Variants in STXBP3 observed in about 807,000 individuals in gnomAD.
STXBP3 encodes syntaxin-binding protein 3.
Under a neutral mutation model 85.7 loss-of-function variants are expected in STXBP3, and 41 were observed. That is an observed-to-expected ratio of 0.48 (90% CI 0.37 to 0.62). The LOEUF (loss-of-function observed/expected upper bound fraction) is 0.62. Ranked by LOEUF, STXBP3 falls within the 20% of genes least tolerant of loss-of-function variation. STXBP3 has a pLI of 0.00. For synonymous variants in STXBP3, 229 were observed against 231.7 expected, an observed-to-expected ratio of 0.99 and a Z score of 0.10; for missense variants, 563 against 703.1, an observed-to-expected ratio of 0.80 and a Z score of 2.25.
chr1:108,803,465 G>A (rs958689118), intron 17 of STXBP3, among the ~76,000 whole-genome samples: 2 of 152,036 alleles, frequency 1.3e-5, no homozygotes, highest in Non-Finnish European at 2.9e-5. Context: ...CCTTTGATGC[G>A]GGTCTGTTGG....
At chr1:108,807,167 G>T (rs1213631599) in intron 17 of STXBP3, among the ~76,000 whole-genome samples, 1 of 150,344 alleles carries the variant, frequency 6.7e-6, no homozygotes, top group Non-Finnish European at 1.5e-5. Flanking sequence ...CAGGAGAATT[G>T]CTTGAACTGT....
intron 7 of STXBP3, among the ~76,000 whole-genome samples, chr1:108,773,918 A>C (rs1457295872): frequency 1.3e-5 from 2 of 152,148 alleles, no homozygotes; most frequent in Non-Finnish European, 2.9e-5. Context: ...ATGTTAATTC[A>C]TTCCAAAATG....
rs376433807 is a variant in STXBP3, at chr1:108,796,615, T to C, written c.1250-5T>C. ...ATTGTGCACTCATATTTTTACCTAT[T>C]TAAGGAACTACGGAAGAAAATTTGG... On this transcript the variant is annotated splice_polypyrimidine_tract_variant and splice_region_variant and intron_variant, in intron 14 of 18. Transcript: ENST00000370008. 8.9e-5 allele frequency: 144 copies of C among 1,611,818 alleles called. No homozygotes were observed. Among genetic ancestry groups the C allele is most frequent in the Non-Finnish European group, 1.2e-4 (138 of 1,178,902 alleles).
chr1:108,785,692 A>G (rs996320435), intron 11 of STXBP3, among the ~76,000 whole-genome samples: 1 of 152,102 alleles, frequency 6.6e-6, no homozygotes, highest in African/African-American at 2.4e-5. Flanking sequence ...TCAAACTTTT[A>G]TGCTCTGTCA....
At chr1:108,766,403 A>G (rs766187997) in intron 6 of STXBP3, among the ~76,000 whole-genome samples, 6 of 152,170 alleles carry the variant, frequency 3.9e-5, no homozygotes, top group Non-Finnish European at 8.8e-5. Flanking sequence ...TCCAGTTGCT[A>G]TGATAAGTCT....
intron 8 of STXBP3, among the ~76,000 whole-genome samples, chr1:108,779,081 C>T (rs750264171): frequency 1.3e-5 from 2 of 152,146 alleles, no homozygotes; most frequent in African/African-American, 2.4e-5. Context: ...CATTTTTCCT[C>T]TCTTGGGCTA....
At position 108,771,713 on chromosome 1, in the gene STXBP3, A is replaced by T. The variant is rs1268737956; in HGVS notation, c.439-952A>T. Among the ~76,000 whole-genome samples, 2 of 28,138 alleles carry T rather than the reference A, an allele frequency of 7.1e-5. 1 individual carries two copies. Among genetic ancestry groups the T allele is most frequent in the Non-Finnish European group, 1.4e-4 (2 of 14,320 alleles). The allele number at this position is 28,138 out of a possible 152,430, so 18.5% of individuals were successfully genotyped here. On this transcript the variant is annotated intron_variant, in intron 6 of 18. Coordinates refer to ENST00000370008, the MANE Select transcript of STXBP3 (RefSeq NM_007269.4). Reference sequence around the variant, plus strand: ...ATCTATATATATCATATATAAATATATATGATATCTATCTATATATATCAT... The same window carrying T: ...ATCTATATATATCATATATAAATATTTATGATATCTATCTATATATATCAT...
At chr1:108,778,866 G>C (rs999644612) in intron 8 of STXBP3, among the ~76,000 whole-genome samples, 1 of 152,122 alleles carries the variant, frequency 6.6e-6, no homozygotes, top group African/African-American at 2.4e-5. Context: ...CTCAAGTCCT[G>C]CATCAGCCCA....
At chr1:108,771,198 A>G (rs1662389733) in intron 6 of STXBP3, among the ~76,000 whole-genome samples, 1 of 151,174 alleles carries the variant, frequency 6.6e-6, no homozygotes, top group African/African-American at 2.4e-5. Context: ...GGAGAGAGGT[A>G]GACTAAAGCA....
chr1:108,796,853 C>A, intron 15 of STXBP3, 127 bp downstream of exon 15: 1 of 569,520 alleles, frequency 1.8e-6, no homozygotes, highest in Non-Finnish European at 2.7e-6. Flanking sequence ...AATAAGTAAG[C>A]AATTAAAGAT....
At chr1:108,798,515 C>T (rs1420340066) in intron 16 of STXBP3, among the ~76,000 whole-genome samples, 1 of 150,838 alleles carries the variant, frequency 6.6e-6, no homozygotes, top group Non-Finnish European at 1.5e-5. Context: ...TCCCAGGTTC[C>T]AGCAATTCTC....
intron 15 of STXBP3, among the ~76,000 whole-genome samples, chr1:108,797,912 A>G (rs1326829150): frequency 6.6e-6 from 1 of 152,128 alleles, no homozygotes; most frequent in African/African-American, 2.4e-5. Flanking sequence ...ATTTTAATAG[A>G]CATATGTTCT....
At chr1:108,802,167 C>T (rs937849856) in intron 17 of STXBP3, among the ~76,000 whole-genome samples, 2 of 151,952 alleles carry the variant, frequency 1.3e-5, no homozygotes, top group African/African-American at 2.4e-5. Context: ...GAGGCCGAGG[C>T]GGGCAGATCA....
intron 17 of STXBP3, 142 bp from the exon 18 acceptor site, chr1:108,807,257 CAA>C (rs201346701): frequency 0.011 from 7,831 of 692,082 alleles, no homozygotes; most frequent in East Asian, 0.039. Context: ...GACTCCACCT[CAA>C]AAAAAAAAAA....
chr1:108,752,211 T>C, intron 1 of STXBP3, 46 bp from the exon 2 acceptor site: 2 of 1,566,988 alleles, frequency 1.3e-6, no homozygotes, highest in Non-Finnish European at 1.7e-6. Flanking sequence ...GATTACTATG[T>C]TTCTGTTTAT....
At chr1:108,776,183 C>T (rs1759479) in intron 7 of STXBP3, 150 bp from the exon 8 acceptor site, 312,371 of 439,004 alleles carry the variant, frequency 0.71, 115,959 homozygotes, top group African/African-American at 0.78. Flanking sequence ...TTATTTGATA[C>T]ATTATCTGAA....
intron 6 of STXBP3, 29 bp downstream of exon 6, chr1:108,760,114 T>G: frequency 2.8e-6 from 4 of 1,414,786 alleles, no homozygotes; most frequent in Non-Finnish European, 1.9e-6. Flanking sequence ...TTTTAGTTCA[T>G]GAGAGGTTTC....
At chr1:108,805,206 T>G (rs565314067) in intron 17 of STXBP3, among the ~76,000 whole-genome samples, 121 of 152,344 alleles carry the variant, frequency 7.9e-4, no homozygotes, top group African/African-American at 2.8e-3. Context: ...TTCTTTTGCC[T>G]TCTTACTCTA....
At chr1:108,753,028 G>A (rs748474656) in intron 2 of STXBP3, 35 bp from the exon 3 acceptor site, 1 of 1,470,220 alleles carries the variant, frequency 6.8e-7, no homozygotes, top group South Asian at 1.3e-5. Context: ...GTAATAGGAT[G>A]CTTACAGTAT....
Sources: gnomAD v4.1 joint callset for allele counts (sites outside exome capture counted in the v4.1 genomes callset) on GRCh38, gnomAD v4.1.1 for gene constraint, MANE v1.5 for transcripts, NCBI Gene and HGNC (gene_info 2026-07-23, HGNC 2026-07-21) for gene names.